SPAG17: variants seen among roughly 807,000 people sequenced by gnomAD.
The protein encoded by SPAG17 is sperm-associated antigen 17.
SPAG17 carries 169 observed loss-of-function variants against 273.6 expected under a neutral mutation model. That is an observed-to-expected ratio of 0.62 (90% CI 0.55 to 0.70). The LOEUF is 0.70. Ranked by LOEUF, SPAG17 falls within the 30% of genes least tolerant of loss-of-function variation. The pLI, the probability that SPAG17 is intolerant of heterozygous loss-of-function variation, is 0.00. For missense variants in SPAG17, 2,557 were observed against 2,627.8 expected (o/e 0.97, Z 0.59); for synonymous variants, 825 against 873.2 (o/e 0.94, Z 0.97).
chr1:118,041,704 G>T, intron 21 of SPAG17, 99 bp downstream of exon 21: 1 of 1,461,856 alleles, frequency 6.8e-7, no homozygotes, highest in Non-Finnish European at 9.2e-7. Context: ...TAGGCCTACT[G>T]TGGGGTAGTG....
At chr1:118,095,813 C>T (rs1344490532) in intron 7 of SPAG17, among the ~76,000 whole-genome samples, 1 of 152,026 alleles carries the variant, frequency 6.6e-6, no homozygotes, top group Non-Finnish European at 1.5e-5. Flanking sequence ...AACATACTGA[C>T]CCAAGGCAAC....
chr1:118,123,799 C>T (rs1285128165), intron 3 of SPAG17, among the ~76,000 whole-genome samples: 2 of 152,134 alleles, frequency 1.3e-5, no homozygotes, highest in Admixed American at 1.3e-4. Context: ...AAGTTGGTAA[C>T]ATAATAACAT....
At chr1:118,013,333 A>G (rs1659657880) in intron 29 of SPAG17, among the ~76,000 whole-genome samples, 1 of 152,196 alleles carries the variant, frequency 6.6e-6, no homozygotes, top group Non-Finnish European at 1.5e-5. Context: ...TCACCTGTTT[A>G]GCTCTTTATG....
At position 118,081,190 on chromosome 1, in the gene SPAG17, A is replaced by G; in HGVS notation, c.2120T>C (p.Leu707Ser). The change falls in exon 15 of 49, where the codon TTG becomes TCG. Residue 707 changes from leucine to serine, a missense_variant. Physicochemically the swap from Leu to Ser is moderately radical, Grantham distance 145. Coordinates refer to ENST00000336338, the MANE Select transcript of SPAG17 (RefSeq NM_206996.4). ...CDANNMKHSD[L>S]NNLKLSVPDN... ...AGGGACTGAGAGTTTGAGATTATTCAAGTCAGAATGCTTCATATTGTTAGC... is the reference window on the plus strand; with the variant it reads ...AGGGACTGAGAGTTTGAGATTATTCGAGTCAGAATGCTTCATATTGTTAGC... The G allele has an allele frequency of 1.2e-6, 2 of 1,613,838 alleles. No homozygotes were observed. Among genetic ancestry groups the G allele is most frequent in the South Asian group, 1.1e-5 (1 of 91,038 alleles).
chr1:118,035,973 A>G (rs1289821711), intron 24 of SPAG17, among the ~76,000 whole-genome samples: 1 of 152,202 alleles, frequency 6.6e-6, no homozygotes, highest in Non-Finnish European at 1.5e-5. Flanking sequence ...TAGGAGGATC[A>G]CTTGAGCACA....
chr1:118,066,594 T>C, intron 18 of SPAG17, 151 bp downstream of exon 18: 1 of 589,270 alleles, frequency 1.7e-6, no homozygotes, highest in Non-Finnish European at 2.9e-6. Flanking sequence ...TTCAATTTAG[T>C]GAGCTGAATT....
chr1:117,955,323 T>G (rs139595449), intron 48 of SPAG17: 41 of 1,612,096 alleles, frequency 2.5e-5, no homozygotes, highest in Non-Finnish European at 3.5e-5. Flanking sequence ...AGCCTTCAGC[T>G]TATGTATTAG....
chr1:118,066,983 CT>C (rs1300890715), intron 17 of SPAG17, 84 bp from the exon 18 acceptor site: 54 of 1,278,460 alleles, frequency 4.2e-5, no homozygotes, highest in Non-Finnish European at 4.4e-5. Flanking sequence ...TCTCTACTCC[CT>C]TTTTTTCCTA....
intron 32 of SPAG17, among the ~76,000 whole-genome samples, chr1:117,999,597 A>G (rs1658039064): frequency 6.6e-6 from 1 of 152,060 alleles, no homozygotes; most frequent in African/African-American, 2.4e-5. Context: ...GCATTTTTTC[A>G]TGTGTCTGTT....
chr1:118,129,194 G>A (rs1211103714), intron 3 of SPAG17, among the ~76,000 whole-genome samples: 1 of 152,340 alleles, frequency 6.6e-6, no homozygotes, highest in East Asian at 1.9e-4. Flanking sequence ...TTCTACGTCT[G>A]CATGCCAGTA....
intron 32 of SPAG17, among the ~76,000 whole-genome samples, chr1:118,002,013 G>T (rs1232604434): frequency 1.3e-5 from 2 of 152,126 alleles, no homozygotes; most frequent in African/African-American, 4.8e-5. Flanking sequence ...AGAGATTCTG[G>T]TATGTTGTGT....
chr1:117,956,742 C>G (rs2101278708), intron 48 of SPAG17, among the ~76,000 whole-genome samples: 1 of 152,218 alleles, frequency 6.6e-6, no homozygotes, highest in East Asian at 1.9e-4. Context: ...TCATAATAGA[C>G]TCTAATGGAC....
intron 28 of SPAG17, among the ~76,000 whole-genome samples, chr1:118,020,305 G>A (rs777257981): frequency 6.6e-6 from 1 of 152,012 alleles, no homozygotes; most frequent in East Asian, 1.9e-4. Flanking sequence ...TTGATGGCAC[G>A]TGCCTGTAAT....
chr1:118,056,003 C>T (rs991872198), intron 18 of SPAG17, 89 bp from the exon 19 acceptor site: 15 of 1,088,482 alleles, frequency 1.4e-5, no homozygotes, highest in Non-Finnish European at 1.8e-5. Flanking sequence ...ACTTTTTGCT[C>T]ATGTCAAAAA....
chr1:118,021,533 T>C (rs569267189), intron 28 of SPAG17, among the ~76,000 whole-genome samples: 1 of 152,296 alleles, frequency 6.6e-6, no homozygotes, highest in African/African-American at 2.4e-5. Flanking sequence ...AACCCTAATG[T>C]AAACTATGGG....
intron 4 of SPAG17, among the ~76,000 whole-genome samples, chr1:118,105,021 A>G (rs1468668533): frequency 1.3e-5 from 2 of 152,216 alleles, no homozygotes; most frequent in Non-Finnish European, 2.9e-5. Context: ...GAAGTTCTCT[A>G]GAAGTCAACA....
chr1:118,019,362 T>C (rs1660288184), intron 28 of SPAG17, among the ~76,000 whole-genome samples: 1 of 151,818 alleles, frequency 6.6e-6, no homozygotes, highest in Non-Finnish European at 1.5e-5. Context: ...ATTTAAAAAA[T>C]TAACATGCAG....
chr1:118,148,654 A>C (rs1570782152), intron 3 of SPAG17, among the ~76,000 whole-genome samples: 1 of 152,142 alleles, frequency 6.6e-6, no homozygotes, highest in African/African-American at 2.4e-5. Context: ...CCAAGTCCCC[A>C]CCCGACCCAG....
At position 117,992,639 on chromosome 1, in the gene SPAG17, G is replaced by A. The variant is rs367638934; in HGVS notation, c.5188C>T (p.Pro1730Ser). 4 of 1,588,758 alleles carry A rather than the reference G, an allele frequency of 2.5e-6. No homozygotes were observed. The South Asian group carries it at 3.5e-5, about 14-fold the overall frequency. ...ATCTGAGTACCAAACGGAGGTCCTG[G>A]AGTTTTTTTCTGTTAACAAAACAAA... ...ETFPSVEKKT[P>S]GPPFGTQIWK... is the part of the protein sequence containing the mutation. Residue 1730 changes from proline to serine, a missense_variant, in exon 36 of 49, where the codon CCA becomes TCA. Coordinates refer to ENST00000336338, the MANE Select transcript of SPAG17 (RefSeq NM_206996.4).
Sources: allele counts gnomAD v4.1 joint callset (sites outside exome capture counted in the v4.1 genomes callset), GRCh38; gene constraint gnomAD v4.1.1; transcripts MANE v1.5; gene names NCBI Gene and HGNC (gene_info 2026-07-23, HGNC 2026-07-21).